Variants in C11orf65 observed in about 807,000 individuals in gnomAD.
C11orf65 encodes the protein protein MFI.
A neutral mutation model predicts 35.3 loss-of-function variants in C11orf65; 38 were observed. The ratio of observed to expected loss-of-function variants is 1.08; its 90% CI spans 0.83 to 1.41. C11orf65 has a LOEUF of 1.41. Among genes scored for constraint, C11orf65 ranks in the 40% most tolerant of loss-of-function variants. The pLI, the probability that C11orf65 is intolerant of heterozygous loss-of-function variation, is 0.00. For synonymous variants in C11orf65, 105 were observed against 114.4 expected (o/e 0.92, Z 0.53); for missense variants, 370 against 367.1 (o/e 1.01, Z -0.06).
rs1060504315 is a variant in C11orf65, at chr11:108,365,496, A to G, written c.226+27712T>C. 1 of 1,614,182 alleles carries G rather than the reference A, an allele frequency of 6.2e-7. No individual in the cohort carries two copies. Among genetic ancestry groups the G allele is most frequent in the Admixed American group, 1.7e-5 (1 of 60,024 alleles). On this transcript the variant is annotated intron_variant, in intron 2 of 3. Coordinates refer to the C11orf65 transcript ENST00000524755. Reference sequence around the variant, plus strand: ...TCAGCCGACTTTTCCCAGGATGGAAAGCTTGGGTGTGATCTTCAGTATATG... The same window carrying G: ...TCAGCCGACTTTTCCCAGGATGGAAGGCTTGGGTGTGATCTTCAGTATATG...
At chr11:108,355,049 G>C in intron 2 of C11orf65, 1 of 615,206 alleles carries the variant, frequency 1.6e-6, no homozygotes, top group Admixed American at 2.7e-5. Context: ...AAAAATACTG[G>C]TTTAGAAATG....
At chr11:108,364,366 G>C (rs1302890381) in intron 2 of C11orf65, among the ~76,000 whole-genome samples, 1 of 152,082 alleles carries the variant, frequency 6.6e-6, no homozygotes, top group African/African-American at 2.4e-5. Context: ...TAGCTGTTCT[G>C]AACTGCCAAT....
At chr11:108,373,316 C>G (rs1462403417) in intron 2 of C11orf65, among the ~76,000 whole-genome samples, 1 of 152,086 alleles carries the variant, frequency 6.6e-6, no homozygotes, top group African/African-American at 2.4e-5. Context: ...TGATAAAACT[C>G]ATCAAACTAG....
At chr11:108,464,394 T>C (rs1363253455) in intron 1 of C11orf65, among the ~76,000 whole-genome samples, 1 of 151,792 alleles carries the variant, frequency 6.6e-6, no homozygotes, top group Non-Finnish European at 1.5e-5. Context: ...CCTCCTGGGT[T>C]CAAGCGATTC....
intron 2 of C11orf65, among the ~76,000 whole-genome samples, chr11:108,377,735 C>T (rs1389396978): frequency 3.3e-5 from 5 of 151,660 alleles, no homozygotes; most frequent in African/African-American, 1.2e-4. Context: ...GAAAACCCCA[C>T]TGTCTCAGCC....
intron 6 of C11orf65, among the ~76,000 whole-genome samples, chr11:108,320,391 G>A (rs1183625105): frequency 2.0e-5 from 3 of 152,052 alleles, no homozygotes; most frequent in South Asian, 2.1e-4. Flanking sequence ...TGTAACTCAC[G>A]GTTAATACTT....
At chr11:108,365,710 CTT>C in intron 2 of C11orf65, 2 of 699,198 alleles carry the variant, frequency 2.9e-6, no homozygotes, top group Non-Finnish European at 4.6e-6. Context: ...TGCTTTCACT[CTT>C]TAGAAATAAT....
At chr11:108,446,159 G>C (rs1046250325) in intron 2 of C11orf65, among the ~76,000 whole-genome samples, 1 of 152,064 alleles carries the variant, frequency 6.6e-6, no homozygotes. Context: ...CGTCTGATTG[G>C]TGTACCTGAA....
rs1468721006 is a variant in C11orf65, at chr11:108,317,642, TATATATATATACAC to T, written c.641-8585_641-8572del. ...ATATATATATATATATATATATATA[TATATATATATACAC>T]ACACACACACACACACACTATATAT... On this transcript the variant is annotated intron_variant, in intron 6 of 6. Transcript: ENST00000525729. 9.4e-5 allele frequency: 16 copies of T among 171,014 alleles called. 1 individual carries two copies. Among genetic ancestry groups the T allele is most frequent in the East Asian group, 6.9e-4 (4 of 5,798 alleles). The allele number at this position is 171,014 out of a possible 1,614,324, so 10.6% of individuals were successfully genotyped here.
chr11:108,312,111 T>C (rs2084213628), intron 6 of C11orf65, among the ~76,000 whole-genome samples: 1 of 152,194 alleles, frequency 6.6e-6, no homozygotes, highest in Non-Finnish European at 1.5e-5. Context: ...ACTGACAGAG[T>C]ATATAGTACC....
intron 2 of C11orf65, chr11:108,354,997 G>A: frequency 2.4e-6 from 2 of 838,624 alleles, no homozygotes; most frequent in South Asian, 1.4e-5. Context: ...TGGCTGGGCA[G>A]CAGAAAGGAG....
In C11orf65 at chr11:108,321,786, C is replaced by CA. The variant is rs770391775; in HGVS notation, c.641-12716dup. 6.3e-3 allele frequency among the ~76,000 whole-genome samples: 775 copies of CA among 122,398 alleles called. 1 individual carries two copies. Among genetic ancestry groups the CA allele is most frequent in the Middle Eastern group, 0.018 (4 of 220 alleles). The allele number at this position is 122,398 out of a possible 152,430, so 80.3% of individuals were successfully genotyped here. On this transcript the variant is annotated intron_variant, in intron 6 of 6. Transcript: ENST00000525729. ...TGGGCAACAGAGCGAGACTCTGTCT[C>CA]AAAAAAAAAAAAAACTATGTAGAGA...
At position 108,321,424 on chromosome 11, in the gene C11orf65, T is replaced by C. The variant is rs587780636; in HGVS notation, c.641-12353A>G. 25 of 1,613,968 alleles carry C rather than the reference T, an allele frequency of 1.5e-5. No homozygotes were observed. Among genetic ancestry groups the C allele is most frequent in the East Asian group, 2.2e-5 (1 of 44,884 alleles). ...GCATTGGGGAGCTTTTCTCAAGGTATGTAATTCGTATGACTTTGTTATCCT... is the reference window on the plus strand; with the variant it reads ...GCATTGGGGAGCTTTTCTCAAGGTACGTAATTCGTATGACTTTGTTATCCT... On this transcript the variant is annotated intron_variant, in intron 6 of 6. Transcript: ENST00000525729.
chr11:108,365,126 G>T lies in C11orf65; in HGVS notation c.226+28082C>A, dbSNP rs200899512. 14 of 1,614,138 alleles carry T rather than the reference G, an allele frequency of 8.7e-6. No homozygotes were observed. Among genetic ancestry groups the T allele is most frequent in the Non-Finnish European group, 1.2e-5 (14 of 1,180,008 alleles). On this transcript the variant is annotated intron_variant, in intron 2 of 3. Coordinates refer to the C11orf65 transcript ENST00000524755. ...TCTTTGACTGGACCATGAATCCTTT[G>T]AAAGCTTTGTATTTACAGCAGAGGC...
At chr11:108,389,283 T>C (rs1224438534) in intron 7 of C11orf65, among the ~76,000 whole-genome samples, 2 of 152,188 alleles carry the variant, frequency 1.3e-5, no homozygotes, top group Non-Finnish European at 2.9e-5. Flanking sequence ...ACCATAAATG[T>C]GCTGGAAAGA....
chr11:108,353,837 G>C (rs2089510680), intron 2 of C11orf65: 1 of 1,614,052 alleles, frequency 6.2e-7, no homozygotes, highest in Non-Finnish European at 8.5e-7. Context: ...CAGAGATATT[G>C]TGGATGGCAT....
At chr11:108,430,812 T>G (rs1191211409) in intron 3 of C11orf65, among the ~76,000 whole-genome samples, 2 of 151,548 alleles carry the variant, frequency 1.3e-5, no homozygotes, top group East Asian at 3.9e-4. Flanking sequence ...GCCACTGCAC[T>G]CTAACCTGGG....
At position 108,408,681 on chromosome 11, in the gene C11orf65, A is replaced by ATAACATAACATAACATAAC. The variant is rs1565659726; in HGVS notation, c.175-1533_175-1532insGTTATGTTATGTTATGTTA. ...ACAGAGACTCTGTCTCAATAAATAA[A>ATAACATAACATAACATAAC]ATAAAATAAAATAAAATAAAATAAA... On this transcript the variant is annotated intron_variant, in intron 3 of 8. Coordinates refer to ENST00000393084, the MANE Select transcript of C11orf65 (RefSeq NM_152587.5). Among the ~76,000 whole-genome samples the ATAACATAACATAACATAAC allele has an allele frequency of 1.0e-3, 66 of 64,624 alleles. 2 individuals carry two copies. Among genetic ancestry groups the ATAACATAACATAACATAAC allele is most frequent in the African/African-American group, 3.5e-3 (54 of 15,476 alleles). The allele number at this position is 64,624 out of a possible 152,430, so 42.4% of individuals were successfully genotyped here.
chr11:108,399,690 G>T (rs1591467365), intron 6 of C11orf65, among the ~76,000 whole-genome samples: 2 of 152,224 alleles, frequency 1.3e-5, no homozygotes, highest in African/African-American at 2.4e-5. Context: ...GGGCCTTCTG[G>T]ACCTTCTCAG....
Sources: allele counts gnomAD v4.1 joint callset (sites outside exome capture counted in the v4.1 genomes callset), GRCh38; gene constraint gnomAD v4.1.1; transcripts MANE v1.5; gene names NCBI Gene and HGNC (gene_info 2026-07-23, HGNC 2026-07-21).